The following LHFPL3 variants were observed in gnomAD, a reference collection of about 807,000 sequenced individuals.
LHFPL3 encodes the protein LHFPL tetraspan subfamily member 3 protein.
In LHFPL3, 5 loss-of-function variants were observed where a neutral mutation model predicts 19.3. The ratio of observed to expected loss-of-function variants is 0.26; its 90% CI spans 0.14 to 0.54. The LOEUF (loss-of-function observed/expected upper bound fraction) is 0.54. Ranked by LOEUF, LHFPL3 falls within the 20% of genes least tolerant of loss-of-function variation. The pLI is 0.94. For missense variants in LHFPL3, 249 were observed against 307.4 expected, an observed-to-expected ratio of 0.81 and a Z score of 1.42; for synonymous variants, 133 against 126.2, an observed-to-expected ratio of 1.05 and a Z score of -0.36.
At chr7:104,831,234 T>A (rs1034579052) in intron 2 of LHFPL3, among the ~76,000 whole-genome samples, 9 of 100,792 alleles carry the variant, frequency 8.9e-5, no homozygotes, top group East Asian at 2.9e-4. Flanking sequence ...CTTAATAAAA[T>A]GTTATATATG....
intron 1 of LHFPL3, among the ~76,000 whole-genome samples, chr7:104,611,994 C>A (rs546786112): frequency 2.0e-5 from 3 of 152,154 alleles, no homozygotes; most frequent in Admixed American, 2.0e-4. Context: ...TGCTCAAAAA[C>A]GTCTTTTTTT....
At chr7:104,784,155 ACT>A in intron 2 of LHFPL3, among the ~76,000 whole-genome samples, 1 of 152,148 alleles carries the variant, frequency 6.6e-6, no homozygotes. Flanking sequence ...ATAATCACTG[ACT>A]CTCAATCTTT....
chr7:104,474,837 TGGGTTCTTCTTAGTGAA>T (rs1792980567), intron 1 of LHFPL3, among the ~76,000 whole-genome samples: 1 of 151,554 alleles, frequency 6.6e-6, no homozygotes, highest in Non-Finnish European at 1.5e-5. Flanking sequence ...AGAGAGAAGG[TGGGTTCTTCTTAGTGAA>T]GGGTATAGAG....
intron 2 of LHFPL3, among the ~76,000 whole-genome samples, chr7:104,788,938 C>T (rs1377261352): frequency 6.6e-6 from 1 of 152,164 alleles, no homozygotes; most frequent in Non-Finnish European, 1.5e-5. Context: ...TTTAAGAAGG[C>T]ACCACCATTT....
chr7:104,798,507 T>A (rs1327516105), intron 2 of LHFPL3: 2 of 152,218 alleles, frequency 1.3e-5, no homozygotes, highest in East Asian at 3.8e-4. Context: ...CTAATTGAAA[T>A]GCGTATAGAA....
intron 2 of LHFPL3, among the ~76,000 whole-genome samples, chr7:104,867,863 CA>C (rs1198251127): frequency 6.6e-6 from 1 of 152,138 alleles, no homozygotes; most frequent in East Asian, 1.9e-4. Flanking sequence ...AGCAGCACAC[CA>C]AAAAGCTTAT....
chr7:104,399,918 A>G lies in LHFPL3; in HGVS notation c.445+70694A>G, dbSNP rs1423629074. Reference sequence around the variant, plus strand: ...GTCGAGTTTGAGACCAGCCTGGCCAACATGGTTAAACCCTGTCTCTACTAA... The same window carrying G: ...GTCGAGTTTGAGACCAGCCTGGCCAGCATGGTTAAACCCTGTCTCTACTAA... On this transcript the variant is annotated intron_variant, in intron 1 of 2. Transcript: ENST00000424859. This position sits in a 1 kb window ranked among gnomAD's most constrained non-coding sequence, Gnocchi z 4.4. Among the ~76,000 whole-genome samples, 1 of 151,198 alleles carries G rather than the reference A, an allele frequency of 6.6e-6. No homozygotes were observed. The highest frequency in any genetic ancestry group is 1.9e-4 in the East Asian group (1 of 5,130).
intron 1 of LHFPL3, among the ~76,000 whole-genome samples, chr7:104,510,383 C>T (rs187415635): frequency 1.1e-4 from 16 of 152,158 alleles, no homozygotes; most frequent in Admixed American, 2.0e-4. Flanking sequence ...GGGACAGACA[C>T]ACAGATCAAT....
At chr7:104,576,591 C>T (rs1790343218) in intron 1 of LHFPL3, among the ~76,000 whole-genome samples, 1 of 152,162 alleles carries the variant, frequency 6.6e-6, no homozygotes, top group Admixed American at 6.5e-5. Context: ...AGATCTTCCT[C>T]CCAGGGCAGA....
At chr7:104,548,877 C>A (rs1043331981) in intron 1 of LHFPL3, among the ~76,000 whole-genome samples, 2 of 152,200 alleles carry the variant, frequency 1.3e-5, no homozygotes, top group Admixed American at 6.5e-5. Context: ...TTCAGCCTGG[C>A]TCCCTGCACA....
intron 1 of LHFPL3, among the ~76,000 whole-genome samples, chr7:104,549,127 G>A (rs1448895233): frequency 6.6e-6 from 1 of 152,108 alleles, no homozygotes; most frequent in Non-Finnish European, 1.5e-5. Context: ...CGCTGGTGGA[G>A]AAAGGAGTAA....
At chr7:104,347,746 G>T (rs1034221576) in intron 1 of LHFPL3, among the ~76,000 whole-genome samples, 1 of 152,070 alleles carries the variant, frequency 6.6e-6, no homozygotes, top group Non-Finnish European at 1.5e-5. Flanking sequence ...ACAAAAATTA[G>T]TCGGGCGTGG....
rs533823144 is a variant in LHFPL3, at chr7:104,841,254, C to T, written c.683-64933C>T. Among the ~76,000 whole-genome samples the T allele has an allele frequency of 9.2e-5, 14 of 152,262 alleles. No individual in the cohort carries two copies. The South Asian group carries it at 2.5e-3, about 27-fold the overall frequency. On this transcript the variant is annotated intron_variant, in intron 2 of 2. Coordinates refer to ENST00000424859, the MANE Select transcript of LHFPL3 (RefSeq NM_199000.3). ...CCCCTATGATCCCAGGGATCATTTTCAGGGGTCAGGGAGACCCAGAAGAGG... is the reference window on the plus strand; with the variant it reads ...CCCCTATGATCCCAGGGATCATTTTTAGGGGTCAGGGAGACCCAGAAGAGG...
At chr7:104,655,077 A>G (rs1393883524) in intron 1 of LHFPL3, among the ~76,000 whole-genome samples, 3 of 152,174 alleles carry the variant, frequency 2.0e-5, no homozygotes, top group Admixed American at 2.0e-4. Flanking sequence ...AGCAATGACA[A>G]TCGTTCCACT....
intron 1 of LHFPL3, among the ~76,000 whole-genome samples, chr7:104,603,166 T>TTCCTTC (rs1562947582): frequency 5.1e-3 from 84 of 16,464 alleles, no homozygotes; most frequent in African/African-American, 6.2e-3. Flanking sequence ...TTCCTTCCTT[T>TTCCTTC]CTTTCTTTCT....
chr7:104,431,648 G>T (rs1337415948), intron 1 of LHFPL3, among the ~76,000 whole-genome samples: 3 of 152,158 alleles, frequency 2.0e-5, no homozygotes, highest in Non-Finnish European at 4.4e-5. Context: ...ATAAGCCTGA[G>T]AATATATTTA....
At chr7:104,447,681 G>A (rs929451018) in intron 1 of LHFPL3, among the ~76,000 whole-genome samples, 3 of 151,970 alleles carry the variant, frequency 2.0e-5, no homozygotes, top group Non-Finnish European at 4.4e-5. Flanking sequence ...TTACCTTTTT[G>A]ACTTCTGTGT....
chr7:104,866,984 C>T (rs905016722), intron 2 of LHFPL3, among the ~76,000 whole-genome samples: 4 of 152,100 alleles, frequency 2.6e-5, no homozygotes, highest in Non-Finnish European at 5.9e-5. Flanking sequence ...CTACTGGGTA[C>T]ATAAAGAAAT....
intron 2 of LHFPL3, among the ~76,000 whole-genome samples, chr7:104,879,984 G>A (rs940369697): frequency 6.6e-6 from 1 of 152,036 alleles, no homozygotes; most frequent in Non-Finnish European, 1.5e-5. Context: ...TTTAGCCCAG[G>A]AATTGGAGGC....
Sources: gnomAD v4.1 joint callset for allele counts (sites outside exome capture counted in the v4.1 genomes callset) on GRCh38, gnomAD v4.1.1 for gene constraint, Gnocchi (gnomAD v3.1) non-coding constraint, MANE v1.5 for transcripts, NCBI Gene and HGNC (gene_info 2026-07-23, HGNC 2026-07-21) for gene names.